Variants in FGF14 observed in about 807,000 individuals in gnomAD.
FGF14 encodes fibroblast growth factor 14, also known as fibroblast growth factor homologous factor 4.
FGF14 carries 5 observed loss-of-function variants against 25.5 expected under a neutral mutation model. The observed-to-expected ratio is 0.20, with a 90% confidence interval of 0.10 to 0.41. The LOEUF (loss-of-function observed/expected upper bound fraction) is 0.41. Ranked by LOEUF, FGF14 falls within the 10% of genes least tolerant of loss-of-function variation. The pLI, the probability that FGF14 is intolerant of heterozygous loss-of-function variation, is 1.00. For missense variants in FGF14, 222 were observed against 320.1 expected, an observed-to-expected ratio of 0.69 and a Z score of 2.34; for synonymous variants, 138 against 118.3, an observed-to-expected ratio of 1.17 and a Z score of -1.08.
At chr13:102,371,576 C>T (rs1022326746) in intron 1 of FGF14, among the ~76,000 whole-genome samples, 1 of 152,026 alleles carries the variant, frequency 6.6e-6, no homozygotes. Context: ...ATTATAATGT[C>T]AATATTGTAT....
intron 1 of FGF14, among the ~76,000 whole-genome samples, chr13:102,179,363 T>C (rs1453893606): frequency 6.6e-6 from 1 of 152,086 alleles, no homozygotes; most frequent in African/African-American, 2.4e-5. Flanking sequence ...GTTCAAGTTT[T>C]TCCACTGTAA....
intron 3 of FGF14, among the ~76,000 whole-genome samples, chr13:101,743,653 A>C (rs1425458076): frequency 6.6e-6 from 1 of 152,196 alleles, no homozygotes; most frequent in Admixed American, 6.6e-5. Flanking sequence ...GTTCAGATAA[A>C]GAAACATATA....
chr13:102,030,328 C>T (rs1595051425), intron 1 of FGF14, among the ~76,000 whole-genome samples: 1 of 152,024 alleles, frequency 6.6e-6, no homozygotes, highest in East Asian at 1.9e-4. Context: ...GAGCACATGC[C>T]CCCACATGCC....
intron 3 of FGF14, among the ~76,000 whole-genome samples, chr13:101,796,779 G>GA (rs1178417523): frequency 6.6e-6 from 1 of 151,912 alleles, no homozygotes; most frequent in African/African-American, 2.4e-5. Flanking sequence ...CCAAAACTGT[G>GA]AAAAAAATAC....
intron 1 of FGF14, among the ~76,000 whole-genome samples, chr13:102,189,036 AAGAAAGAG>A (rs2049014612): frequency 1.3e-5 from 1 of 74,274 alleles, no homozygotes; most frequent in Non-Finnish European, 3.0e-5. Flanking sequence ...AAAAGAAAGA[AAGAAAGAG>A]AAAGAATGAA....
intron 3 of FGF14, among the ~76,000 whole-genome samples, chr13:101,868,085 A>G (rs2044827751): frequency 6.6e-6 from 1 of 152,192 alleles, no homozygotes; most frequent in African/African-American, 2.4e-5. Flanking sequence ...CTCAAGGGAT[A>G]ATAGAAAAAA....
chr13:102,153,014 T>C (rs573052564), intron 1 of FGF14, among the ~76,000 whole-genome samples: 22 of 152,276 alleles, frequency 1.4e-4, no homozygotes, highest in African/African-American at 2.4e-4. Context: ...ACAGCTTGGG[T>C]GGAGCTGCTG....
chr13:102,058,958 A>AG (rs1566631314), intron 1 of FGF14, among the ~76,000 whole-genome samples: 1 of 151,936 alleles, frequency 6.6e-6, no homozygotes, highest in East Asian at 1.9e-4. Flanking sequence ...AAAAAAAAAA[A>AG]AAATAGAGAT....
At chr13:101,916,335 G>GGAGGCC (rs1426118958) in intron 1 of FGF14, 118 bp downstream of exon 1, 40 of 1,275,034 alleles carry the variant, frequency 3.1e-5, no homozygotes, top group Non-Finnish European at 4.3e-5. Flanking sequence ...TGCTCAGAAG[G>GGAGGCC]GAGGCCGGGG....
At chr13:102,101,153 A>G (rs1030859655) in intron 1 of FGF14, among the ~76,000 whole-genome samples, 3 of 151,620 alleles carry the variant, frequency 2.0e-5, no homozygotes, top group Non-Finnish European at 4.4e-5. Flanking sequence ...CAAATCACAC[A>G]GCTTTAGTGT....
intron 1 of FGF14, among the ~76,000 whole-genome samples, chr13:102,372,470 A>G (rs1594978302): frequency 6.6e-6 from 1 of 152,186 alleles, no homozygotes; most frequent in East Asian, 1.9e-4. Context: ...ACATGCCAGG[A>G]AAGTCTTGGT....
At chr13:102,386,179 CTGGAGTGCAG>C (rs999821101) in intron 1 of FGF14, among the ~76,000 whole-genome samples, 41 of 147,216 alleles carry the variant, frequency 2.8e-4, no homozygotes, top group Non-Finnish European at 4.6e-4. Context: ...GTCTCCCAGG[CTGGAGTGCAG>C]TGGAGCAATC....
intron 1 of FGF14, among the ~76,000 whole-genome samples, chr13:102,057,805 T>C (rs1211927615): frequency 6.6e-6 from 1 of 152,216 alleles, no homozygotes; most frequent in East Asian, 1.9e-4. Context: ...TTAACCACTG[T>C]AAGGAATTTA....
At chr13:102,236,017 T>A (rs2149865) in intron 1 of FGF14, among the ~76,000 whole-genome samples, 2 of 152,142 alleles carry the variant, frequency 1.3e-5, no homozygotes, top group Non-Finnish European at 2.9e-5. Context: ...TTGTGGAAGA[T>A]AATAGTTACA....
rs996297273 is a variant in FGF14, at chr13:101,712,975, C to G, written c.*9856G>C. 6.6e-6 allele frequency: 1 copy of G among 152,158 alleles called. No individual in the cohort carries two copies. The highest frequency in any genetic ancestry group is 1.5e-5 in the Non-Finnish European group (1 of 68,030). 9.4% of individuals were successfully genotyped at this position (152,158 alleles called of 1,614,324 possible). On this transcript the variant is annotated 3_prime_UTR_variant, in exon 5 of 5. Coordinates refer to ENST00000376143, the MANE Select transcript of FGF14 (RefSeq NM_004115.4). ...AACTGAGAAGACGTGTATATTTCCTCAAGAGCATGCAAATCAACCTGGACC... is the reference window on the plus strand; with the variant it reads ...AACTGAGAAGACGTGTATATTTCCTGAAGAGCATGCAAATCAACCTGGACC...
chr13:101,715,677 ATTC>A lies in FGF14; in HGVS notation c.*7151_*7153del. On this transcript the variant is annotated 3_prime_UTR_variant, in exon 5 of 5. Coordinates refer to ENST00000376143, the MANE Select transcript of FGF14 (RefSeq NM_004115.4). ...TAACAATTACATGAGAGAGGTCTGG[ATTC>A]TTATTTTTTCTGGGCCATTAGAACA... The A allele has an allele frequency of 6.6e-7, 1 of 1,512,212 alleles. No homozygotes were observed. The highest frequency in any genetic ancestry group is 1.4e-5 in the African/African-American group (1 of 73,048). The allele number at this position is 1,512,212 out of a possible 1,614,324, so 93.7% of individuals were successfully genotyped here.
intron 3 of FGF14, among the ~76,000 whole-genome samples, chr13:101,771,577 C>A (rs1232775899): frequency 6.6e-6 from 1 of 151,970 alleles, no homozygotes; most frequent in African/African-American, 2.4e-5. Context: ...AGACTTCAGG[C>A]AAATACACAT....
chr13:102,148,548 C>T (rs772565050), intron 1 of FGF14, among the ~76,000 whole-genome samples: 5 of 152,174 alleles, frequency 3.3e-5, no homozygotes, highest in African/African-American at 1.2e-4. Context: ...GTGGCTCACA[C>T]CTGTAATGCC....
intron 1 of FGF14, among the ~76,000 whole-genome samples, chr13:102,183,829 A>C (rs2048771748): frequency 6.6e-6 from 1 of 152,156 alleles, no homozygotes; most frequent in African/African-American, 2.4e-5. Context: ...AAAATAGTCT[A>C]AGATGTGGGA....
Sources: gnomAD v4.1 joint callset for allele counts (sites outside exome capture counted in the v4.1 genomes callset) on GRCh38, gnomAD v4.1.1 for gene constraint, MANE v1.5 for transcripts, NCBI Gene and HGNC (gene_info 2026-07-23, HGNC 2026-07-21) for gene names.